The following CDH18 variants were observed in gnomAD, a reference collection of about 807,000 sequenced individuals.
CDH18 encodes cadherin-18.
Under a neutral mutation model 67.9 loss-of-function variants are expected in CDH18, and 31 were observed. The observed-to-expected ratio is 0.46, with a 90% CI of 0.34 to 0.62. The LOEUF (loss-of-function observed/expected upper bound fraction) is 0.62. CDH18 is among the 20% of genes least tolerant of loss of function. The pLI is 0.01. For synonymous variants in CDH18, 362 were observed against 347.2 expected (o/e 1.04, Z -0.48); for missense variants, 890 against 975.5 (o/e 0.91, Z 1.17).
upstream of CDH18, among the ~76,000 whole-genome samples, chr5:19,988,483 C>T (rs891144123): frequency 3.9e-5 from 6 of 151,990 alleles, no homozygotes; most frequent in Non-Finnish European, 5.9e-5. Context: ...AACAATTCAG[C>T]GCATACTACT....
intron 2 of CDH18, among the ~76,000 whole-genome samples, chr5:19,939,573 C>A (rs1344583991): frequency 6.6e-6 from 1 of 151,722 alleles, no homozygotes; most frequent in East Asian, 1.9e-4. Context: ...ATACAATTTT[C>A]TGTCTTAATT....
Position 20,131,127 on chromosome 5 carries a change from T to C in CDH18, c.-518+124317A>G, listed in dbSNP as rs149184859. On this transcript the variant is annotated intron_variant, in intron 2 of 14. Transcript: ENST00000507958. ...ATCCCATTGCCTAATCCCTTCTTCA[T>C]AAAAAGTCTCTACTTTCTTTTTAAA... 5.5e-3 allele frequency among the ~76,000 whole-genome samples: 835 copies of C among 152,220 alleles called. 8 individuals carry two copies. The highest frequency in any genetic ancestry group is 0.019 in the African/African-American group (775 of 41,564).
At chr5:20,342,536 G>A (rs1425847465) in intron 1 of CDH18, among the ~76,000 whole-genome samples, 1 of 152,162 alleles carries the variant, frequency 6.6e-6, no homozygotes, top group South Asian at 2.1e-4. Flanking sequence ...TAGAGGTAAA[G>A]TTGAGAGTGT....
intron 12 of CDH18, among the ~76,000 whole-genome samples, chr5:19,475,255 A>T (rs1385761243): frequency 3.3e-5 from 5 of 150,580 alleles, no homozygotes; most frequent in African/African-American, 1.2e-4. Flanking sequence ...ATTCTTATAA[A>T]CCCATTTGAA....
chr5:19,855,102 C>T lies in CDH18; in HGVS notation c.-256-15860G>A, dbSNP rs376486086. Among the ~76,000 whole-genome samples, 13 of 152,170 alleles carry T rather than the reference C, an allele frequency of 8.5e-5. No homozygotes were observed. In the South Asian group the frequency reaches 2.5e-3, roughly 29 times the overall value. On this transcript the variant is annotated intron_variant, in intron 2 of 12. Coordinates refer to ENST00000382275, the MANE Select transcript of CDH18 (RefSeq NM_004934.5). ...TTCTTTTTTATGGCTAAGTAATAAC[C>T]GATATTGACTAGGTGTGTCCTAGGA... is the stretch of plus-strand genomic sequence containing the variant.
At chr5:19,534,294 C>T (rs1749084257) in intron 9 of CDH18, among the ~76,000 whole-genome samples, 1 of 149,130 alleles carries the variant, frequency 6.7e-6, no homozygotes. Context: ...GAGATTAATA[C>T]ATTAAAAAAA....
rs3067898 is a variant in CDH18 at position 20,163,057 on chromosome 5, C to CTAAATAAA, written c.-518+92379_-518+92386dup. On this transcript the variant is annotated intron_variant, in intron 2 of 14. Coordinates refer to the CDH18 transcript ENST00000507958. ...CTAGGTGACAAGAGCAAAACTGTCT[C>CTAAATAAA]TAAATAAATAAATAAATAAATAAAT... Among the ~76,000 whole-genome samples, 966 of 149,498 alleles carry CTAAATAAA rather than the reference C, an allele frequency of 6.5e-3. 8 individuals carry two copies. Among genetic ancestry groups the CTAAATAAA allele is most frequent in the African/African-American group, 0.023 (920 of 40,522 alleles).
chr5:20,366,423 G>A (rs576128971), intron 1 of CDH18, among the ~76,000 whole-genome samples: 10 of 151,860 alleles, frequency 6.6e-5, no homozygotes, highest in Admixed American at 2.0e-4. Flanking sequence ...TAACTATTGC[G>A]ATAACTTTTT....
At chr5:20,262,153 C>G (rs1744705565) in intron 1 of CDH18, among the ~76,000 whole-genome samples, 1 of 152,050 alleles carries the variant, frequency 6.6e-6, no homozygotes, top group Non-Finnish European at 1.5e-5. Context: ...CATTTGTAAG[C>G]CAATTTTGTT....
At chr5:19,702,145 TCTC>T (rs1168088764) in intron 5 of CDH18, among the ~76,000 whole-genome samples, 3 of 56,440 alleles carry the variant, frequency 5.3e-5, no homozygotes, top group Non-Finnish European at 1.1e-4. Context: ...TTTCTTTCTC[TCTC>T]TTTTTTTTTT....
At chr5:20,489,581 G>A (rs946966864) in intron 1 of CDH18, among the ~76,000 whole-genome samples, 6 of 152,056 alleles carry the variant, frequency 3.9e-5, no homozygotes, top group African/African-American at 1.4e-4. Flanking sequence ...GTAATTCACA[G>A]TAAGTTTGTA....
intron 3 of CDH18, among the ~76,000 whole-genome samples, chr5:19,822,263 AG>A (rs1175108095): frequency 6.6e-6 from 1 of 152,202 alleles, no homozygotes; most frequent in Non-Finnish European, 1.5e-5. Context: ...ATCAAAGTAA[AG>A]GGATAGAGAA....
chr5:20,092,684 A>G (rs922089874), intron 2 of CDH18, among the ~76,000 whole-genome samples: 1 of 152,164 alleles, frequency 6.6e-6, no homozygotes, highest in Non-Finnish European at 1.5e-5. Flanking sequence ...GACAATTTTT[A>G]TAATATATGC....
rs1337259675 is a variant in CDH18, at chr5:19,994,732, TATATATAGAGAGAGAGAGAGAG to T, written c.-517-2740_-517-2719del. Among the ~76,000 whole-genome samples, 26 of 12,516 alleles carry T rather than the reference TATATATAGAGAGAGAGAGAGAG, an allele frequency of 2.1e-3. 2 individuals are homozygous for T. The highest frequency in any genetic ancestry group is 4.7e-3 in the African/African-American group (14 of 2,948). 8.2% of individuals were successfully genotyped at this position (12,516 alleles called of 152,430 possible). A position where few individuals can be genotyped will look rare whatever the true frequency, so the allele number is the denominator to read the frequency against. The stretch of plus-strand genomic sequence containing the variant: ...ATATATATATATATATATATATATA[TATATATAGAGAGAGAGAGAGAG>T]AGAGAGAGAGAGAGAGAGAGAGAGA... On this transcript the variant is annotated intron_variant, in intron 2 of 14. Coordinates refer to the CDH18 transcript ENST00000507958.
At chr5:20,329,888 A>G (rs1739003142) in intron 1 of CDH18, among the ~76,000 whole-genome samples, 1 of 152,000 alleles carries the variant, frequency 6.6e-6, no homozygotes, top group African/African-American at 2.4e-5. Flanking sequence ...TTCAGATAAC[A>G]CATGCCATTG....
intron 8 of CDH18, among the ~76,000 whole-genome samples, chr5:19,570,203 C>T (rs188264529): frequency 3.3e-4 from 50 of 152,094 alleles, no homozygotes; most frequent in Admixed American, 4.6e-4. Context: ...TGAAGCAAAA[C>T]GGGCTTTCCT....
At chr5:20,567,295 A>G (rs1400401640) in intron 1 of CDH18, among the ~76,000 whole-genome samples, 1 of 152,206 alleles carries the variant, frequency 6.6e-6, no homozygotes, top group African/African-American at 2.4e-5. Context: ...GCTTTTTAGA[A>G]AGTGACATAA....
At chr5:19,995,602 TAA>T (rs546777102) in intron 2 of CDH18, among the ~76,000 whole-genome samples, 9,287 of 122,622 alleles carry the variant, frequency 0.076, 985 homozygotes, top group African/African-American at 0.24. Context: ...TTGCAAGCTT[TAA>T]AAAAAAAAAA....
At chr5:20,351,553 A>C (rs2150057930) in intron 1 of CDH18, among the ~76,000 whole-genome samples, 1 of 150,646 alleles carries the variant, frequency 6.6e-6, no homozygotes, top group Non-Finnish European at 1.5e-5. Flanking sequence ...TAAGAGACTT[A>C]GTTTGTCCAT....
Sources: allele counts gnomAD v4.1 joint callset (sites outside exome capture counted in the v4.1 genomes callset), GRCh38; gene constraint gnomAD v4.1.1; transcripts MANE v1.5; gene names NCBI Gene and HGNC (gene_info 2026-07-23, HGNC 2026-07-21).